CERS2: variants seen among roughly 807,000 people sequenced by gnomAD.
CERS2 encodes ceramide synthase 2, also known as LAG1 homolog, ceramide synthase 2.
In CERS2, 20 loss-of-function variants were observed where a neutral mutation model predicts 56.6. The ratio of observed to expected loss-of-function variants is 0.35; its 90% confidence interval spans 0.25 to 0.51. The LOEUF is 0.51. Ranked by LOEUF, CERS2 falls within the 20% of genes least tolerant of loss-of-function variation. The pLI is 0.96. For synonymous variants in CERS2, 187 were observed against 175.4 expected, an observed-to-expected ratio of 1.07 and a Z score of -0.52; for missense variants, 361 against 488.6, an observed-to-expected ratio of 0.74 and a Z score of 2.46.
chr1:150,969,318 G>A (rs1278713847), intron 1 of CERS2: 3 of 511,220 alleles, frequency 5.9e-6, no homozygotes, highest in Non-Finnish European at 1.1e-5. Flanking sequence ...GCTCATGCCT[G>A]TGGTCCCAGC....
At chr1:150,973,251 C>G (rs1234093463) in intron 1 of CERS2, 3 of 152,328 alleles carry the variant, frequency 2.0e-5, no homozygotes, top group Non-Finnish European at 4.4e-5. Flanking sequence ...GCAGTCAGAA[C>G]AGTAGTCCTC....
At chr1:150,966,392 G>T in intron 10 of CERS2, 84 bp downstream of exon 10, 3 of 1,599,714 alleles carry the variant, frequency 1.9e-6, no homozygotes, top group Non-Finnish European at 2.6e-6. Flanking sequence ...CTCCACACTA[G>T]TTTTTTAGAG....
chr1:150,966,961 C>T, intron 8 of CERS2, 99 bp from the exon 9 acceptor site: 1 of 1,471,174 alleles, frequency 6.8e-7, no homozygotes, highest in Non-Finnish European at 9.5e-7. Context: ...GTGCCCTCCT[C>T]CTTGGTCCCA....
rs183882297 is a variant in CERS2 at position 150,965,933 on chromosome 1, C to T, written c.*215G>A. On this transcript the variant is annotated 3_prime_UTR_variant, in exon 11 of 11. Coordinates refer to ENST00000368954, the MANE Select transcript of CERS2 (RefSeq NM_022075.5). ...TAGGGAGGAAAATACGACCGTCCCC[C>T]TCTAACAGAATATAACCAACGTCCC... 116 of 509,892 alleles carry T rather than the reference C, an allele frequency of 2.3e-4. No individual in the cohort carries two copies. Among genetic ancestry groups the T allele is most frequent in the East Asian group, 1.5e-3 (43 of 28,524 alleles). 31.6% of individuals were successfully genotyped at this position (509,892 alleles called of 1,614,324 possible).
chr1:150,967,794 C>T (rs780785492), intron 5 of CERS2, 26 bp downstream of exon 5: 4 of 1,611,404 alleles, frequency 2.5e-6, no homozygotes, highest in South Asian at 1.1e-5. Context: ...AGAACCTACT[C>T]CCACCTCCCA....
chr1:150,969,143 G>A (rs1671114736), intron 1 of CERS2, 52 bp from the exon 2 acceptor site: 2 of 1,532,666 alleles, frequency 1.3e-6, no homozygotes, highest in Non-Finnish European at 1.8e-6. Context: ...TATGGAGGAA[G>A]AGATAGATGA....
At chr1:150,970,829 G>A (rs1196420226) in intron 1 of CERS2, among the ~76,000 whole-genome samples, 1 of 152,124 alleles carries the variant, frequency 6.6e-6, no homozygotes, top group Non-Finnish European at 1.5e-5. Flanking sequence ...GAGCTATTTC[G>A]TATAAATGCT....
chr1:150,967,517 C>A, intron 6 of CERS2, 33 bp from the exon 7 acceptor site: 1 of 1,434,006 alleles, frequency 7.0e-7, no homozygotes, highest in African/African-American at 1.4e-5. Flanking sequence ...GAGCAACCAG[C>A]CGCAAGGGTG....
Position 150,966,274 on chromosome 1 carries a change from T to C in CERS2, c.1017A>G (p.Glu339=), listed in dbSNP as rs1671012591. 7.4e-6 allele frequency: 12 copies of C among 1,612,270 alleles called. No individual in the cohort carries two copies. Among genetic ancestry groups the C allele is most frequent in the Non-Finnish European group, 1.0e-5 (12 of 1,179,542 alleles). Residue 339 remains glutamate (E), a synonymous_variant, in exon 11 of 11, where the codon GAA becomes GAG. Transcript: ENST00000368954. ...TCTCTGTTTCTTCCCGGTCACTGCG[T>C]TCATCTTCTACCAGCTGTGGAAAAG... is the stretch of plus-strand genomic sequence containing the variant. ...KFITGKLVED[E]RSDREETESS... is the part of the protein sequence containing the mutation.
intron 2 of CERS2, 71 bp downstream of exon 2, chr1:150,968,847 G>T: frequency 2.1e-6 from 3 of 1,447,942 alleles, no homozygotes; most frequent in South Asian, 2.4e-5. Context: ...AAACAGCAAG[G>T]AACAAACTTG....
intron 3 of CERS2, 58 bp from the exon 4 acceptor site, chr1:150,968,259 C>T: frequency 6.5e-7 from 1 of 1,542,164 alleles, no homozygotes; most frequent in Non-Finnish European, 8.9e-7. Flanking sequence ...GCAGCATCCC[C>T]AGCCTCTCCC....
At position 150,968,926 on chromosome 1, in the gene CERS2, G is replaced by A. The variant is rs1269144551; in HGVS notation, c.165C>T (p.Phe55=). 1.9e-6 allele frequency: 3 copies of A among 1,613,308 alleles called. No individual in the cohort carries two copies. The highest frequency in any genetic ancestry group is 2.5e-6 in the Non-Finnish European group (3 of 1,179,960). The change falls in exon 2 of 11, where the codon TTC becomes TTT. Residue 55 remains phenylalanine, a synonymous_variant. Coordinates refer to ENST00000368954, the MANE Select transcript of CERS2 (RefSeq NM_022075.5). ...TAGGCTGGCATGCTTACAGCTCAAA[G>A]AAGTATCGAACGATGAGGAAGAGCA... ...LALLFLIVRY[F]FELYVATPLA... is the part of the protein sequence containing the mutation.
Position 150,967,371 on chromosome 1 carries a change from T to C in CERS2, c.612+21A>G, listed in dbSNP as rs750669002. The C allele has an allele frequency of 7.8e-6, 12 of 1,540,068 alleles. No homozygotes were observed. In the South Asian group the frequency reaches 1.1e-4, roughly 14 times the overall value. ...GCCTCATTTTGGCTCTGAGGCTTAA[T>C]TGCACAACCCCTTCACCCACCTTTC... On this transcript the variant is annotated intron_variant, in intron 7 of 10. Coordinates refer to ENST00000368954, the MANE Select transcript of CERS2 (RefSeq NM_022075.5).
intron 1 of CERS2, among the ~76,000 whole-genome samples, chr1:150,971,670 CACAA>C (rs1344307614): frequency 1.3e-5 from 2 of 152,192 alleles, no homozygotes; most frequent in Admixed American, 6.5e-5. Context: ...ACTTTCCCCA[CACAA>C]ACACACACTT....
rs754983538 is a variant in CERS2 at position 150,966,780 on chromosome 1, G to C, written c.824C>G (p.Thr275Ser). ...CCAGAAGGGCAGGATGACCAGTCGG[G>C]TGATGATAAAAACAATGGCGAAGAC... is the stretch of plus-strand genomic sequence containing the variant. The part of the protein sequence containing the change: ...FIVFAIVFII[T>S]RLVILPFWIL... The change falls in exon 9 of 11, where the codon ACC becomes AGC. Residue 275 changes from threonine (T) to serine (S), a missense_variant. This residue lies in a region of CERS2 where 122 missense variants were observed against 151.9 expected (regional missense o/e 0.80). Transcript: ENST00000368954. 1.7e-5 allele frequency: 28 copies of C among 1,613,844 alleles called. No homozygotes were observed. Among genetic ancestry groups the C allele is most frequent in the Non-Finnish European group, 2.4e-5 (28 of 1,179,882 alleles).
chr1:150,966,449 G>A, intron 10 of CERS2, 27 bp downstream of exon 10: 1 of 1,613,604 alleles, frequency 6.2e-7, no homozygotes, highest in Non-Finnish European at 8.5e-7. Context: ...GAGTAGTAAG[G>A]CCTACACAAT....
In CERS2 at chr1:150,966,872, G is replaced by C; in HGVS notation, c.742-10C>G. 1 of 1,589,878 alleles carries C rather than the reference G, an allele frequency of 6.3e-7. No homozygotes were observed. Among genetic ancestry groups the C allele is most frequent in the East Asian group, 2.2e-5 (1 of 44,764 alleles). ...TAAACATCTTGGCTGACTGCATAGA[G>C]AGCCCCCATCCATCATCATGGGCTC... On this transcript the variant is annotated splice_polypyrimidine_tract_variant and intron_variant, in intron 8 of 10. Coordinates refer to ENST00000368954, the MANE Select transcript of CERS2 (RefSeq NM_022075.5).
At chr1:150,967,231 T>G in intron 7 of CERS2, 29 bp from the exon 8 acceptor site, 1 of 1,604,526 alleles carries the variant, frequency 6.2e-7, no homozygotes. Flanking sequence ...CCCCAGGGCC[T>G]TTTTTTATTC....
intron 1 of CERS2, 58 bp from the exon 2 acceptor site, chr1:150,969,149 G>A (rs1671114886): frequency 2.0e-6 from 3 of 1,514,886 alleles, no homozygotes; most frequent in Non-Finnish European, 2.7e-6. Context: ...GGAAGAGATA[G>A]ATGAATAAAA....
Sources: gnomAD v4.1 joint callset for allele counts (sites outside exome capture counted in the v4.1 genomes callset) on GRCh38, gnomAD v4.1.1 for gene constraint, gnomAD v4.1.1 regional missense constraint, MANE v1.5 for transcripts, NCBI Gene and HGNC (gene_info 2026-07-23, HGNC 2026-07-21) for gene names.